The following OSBPL10 variants were observed in gnomAD, a reference collection of about 807,000 sequenced individuals.
The protein encoded by OSBPL10 is oxysterol binding protein like 10, also known as oxysterol-binding protein-related protein 10.
A neutral mutation model predicts 81.7 loss-of-function variants in OSBPL10; 49 were observed. The ratio of observed to expected loss-of-function variants is 0.60; its 90% confidence interval spans 0.48 to 0.76. The LOEUF is 0.76. OSBPL10 is among the 30% of genes least tolerant of loss of function. The pLI, the probability that OSBPL10 is intolerant of heterozygous loss-of-function variation, is 0.00. For synonymous variants in OSBPL10, 419 were observed against 383.6 expected (o/e 1.09, Z -1.08); for missense variants, 923 against 987.8 (o/e 0.93, Z 0.88).
At chr3:31,911,527 T>G (rs1696577215) in intron 1 of OSBPL10, among the ~76,000 whole-genome samples, 1 of 151,974 alleles carries the variant, frequency 6.6e-6, no homozygotes, top group Non-Finnish European at 1.5e-5. Context: ...TCCAATCTTT[T>G]TACTTCCCTG....
At chr3:31,829,709 T>C (rs1007412310) in intron 4 of OSBPL10, among the ~76,000 whole-genome samples, 2 of 152,164 alleles carry the variant, frequency 1.3e-5, no homozygotes, top group Non-Finnish European at 2.9e-5. Context: ...ACACCCAAAG[T>C]TATTTTCTTA....
chr3:31,769,999 G>A (rs908699872), intron 4 of OSBPL10, among the ~76,000 whole-genome samples: 1 of 152,164 alleles, frequency 6.6e-6, no homozygotes, highest in Non-Finnish European at 1.5e-5. Flanking sequence ...ACAAGGTTCT[G>A]CCTGTACCTA....
intron 7 of OSBPL10, among the ~76,000 whole-genome samples, chr3:31,701,220 G>A (rs1230821131): frequency 1.3e-5 from 2 of 152,220 alleles, no homozygotes; most frequent in East Asian, 1.9e-4. Flanking sequence ...TGCCTAGTCC[G>A]AGATGAGATT....
chr3:31,875,012 C>T (rs988526894), intron 3 of OSBPL10, among the ~76,000 whole-genome samples: 2 of 149,208 alleles, frequency 1.3e-5, no homozygotes, highest in Admixed American at 1.3e-4. Flanking sequence ...AAAACACCAT[C>T]TGGCCAACCA....
intron 1 of OSBPL10, among the ~76,000 whole-genome samples, chr3:31,935,793 A>T (rs2125729373): frequency 6.6e-6 from 1 of 152,266 alleles, no homozygotes; most frequent in East Asian, 1.9e-4. Flanking sequence ...AAGTCCTGGG[A>T]TTACAGGCAT....
At chr3:31,759,029 GA>G (rs1235867685) in intron 4 of OSBPL10, among the ~76,000 whole-genome samples, 2 of 151,814 alleles carry the variant, frequency 1.3e-5, no homozygotes, top group African/African-American at 4.8e-5. Context: ...GAAGAGTGAA[GA>G]AAAAAATATT....
At chr3:31,662,197 CTG>C (rs1217043625) in intron 11 of OSBPL10, 81 bp from the exon 12 acceptor site, 108 of 1,603,590 alleles carry the variant, frequency 6.7e-5, no homozygotes, top group Admixed American at 5.4e-4. Context: ...CGCAGCCACT[CTG>C]TGTGTCTGCC....
At chr3:31,694,487 TAA>T (rs1489613682) in intron 7 of OSBPL10, among the ~76,000 whole-genome samples, 1 of 152,050 alleles carries the variant, frequency 6.6e-6, no homozygotes, top group Non-Finnish European at 1.5e-5. Flanking sequence ...TTTAATTTTT[TAA>T]AAAGTTTCAG....
intron 3 of OSBPL10, among the ~76,000 whole-genome samples, chr3:31,874,273 A>T (rs918732141): frequency 3.9e-5 from 6 of 152,188 alleles, no homozygotes; most frequent in African/African-American, 1.4e-4. Flanking sequence ...ATTAACCTAT[A>T]AACTCCTTGA....
chr3:31,794,513 T>C, intron 4 of OSBPL10: 1 of 299,040 alleles, frequency 3.3e-6, no homozygotes, highest in Non-Finnish European at 6.7e-6. Flanking sequence ...CAGGGCACTG[T>C]GACCCTTGCA....
At chr3:31,785,175 G>A (rs558895893) in intron 4 of OSBPL10, among the ~76,000 whole-genome samples, 5 of 152,250 alleles carry the variant, frequency 3.3e-5, no homozygotes, top group African/African-American at 7.2e-5. Flanking sequence ...GTGAACCACC[G>A]CAGTCTTGAA....
intron 1 of OSBPL10, among the ~76,000 whole-genome samples, chr3:32,058,847 C>G (rs1007907704): frequency 6.6e-6 from 1 of 152,154 alleles, no homozygotes; most frequent in Admixed American, 6.5e-5. Flanking sequence ...ACCACAATGC[C>G]AAACTAATTA....
chr3:31,717,737 T>C (rs1290605360), intron 6 of OSBPL10, among the ~76,000 whole-genome samples: 1 of 152,214 alleles, frequency 6.6e-6, no homozygotes, highest in Non-Finnish European at 1.5e-5. Flanking sequence ...AAATGTGAAA[T>C]GATACTCAGG....
chr3:31,803,327 A>C (rs4437187), intron 4 of OSBPL10, among the ~76,000 whole-genome samples: 108,898 of 151,436 alleles, frequency 0.72, 39,337 homozygotes, highest in East Asian at 0.76. Flanking sequence ...CCTTCAGGGG[A>C]TAAGACTGCC....
rs201518609 is a variant in OSBPL10 at position 31,884,914 on chromosome 3, A to G, written c.282-5084T>C. ...TTAAAAATAACATCAATAAAAGAGGAAAAAAAAATCAAAGCATGTGCTGCA... is the reference window on the plus strand; with the variant it reads ...TTAAAAATAACATCAATAAAAGAGGGAAAAAAAATCAAAGCATGTGCTGCA... On this transcript the variant is annotated intron_variant, in intron 1 of 11. Coordinates refer to ENST00000396556, the MANE Select transcript of OSBPL10 (RefSeq NM_017784.5). Among the ~76,000 whole-genome samples the G allele has an allele frequency of 1.2e-3, 181 of 151,620 alleles. 1 individual carries two copies. The highest frequency in any genetic ancestry group is 2.8e-3 in the Admixed American group (42 of 15,226).
At position 31,683,977 on chromosome 3, in the gene OSBPL10, A is replaced by G. The variant is rs181176920; in HGVS notation, c.1383T>C (p.Tyr461=). 1.1e-5 allele frequency: 17 copies of G among 1,614,232 alleles called. No individual in the cohort carries two copies. In the Admixed American group the frequency reaches 1.3e-4, roughly 13 times the overall value. ...GGCCCTCGTGAAAGGCTGTGAGATA[A>G]TACTCAACGAAGCAAATGACTCTCT... ...PEERVICFVE[Y]YLTAFHEGRK... is the part of the protein sequence containing the mutation. Residue 461 remains tyrosine (Y), a synonymous_variant, in exon 8 of 12, where the codon TAT becomes TAC. Coordinates refer to ENST00000396556, the MANE Select transcript of OSBPL10 (RefSeq NM_017784.5).
chr3:31,674,684 A>C (rs751647902), intron 8 of OSBPL10, among the ~76,000 whole-genome samples: 1 of 152,142 alleles, frequency 6.6e-6, no homozygotes, highest in Non-Finnish European at 1.5e-5. Context: ...TGTGACCCCC[A>C]CACAGGGGTT....
intron 1 of OSBPL10, among the ~76,000 whole-genome samples, chr3:31,897,935 TAGG>T (rs1696103484): frequency 7.3e-6 from 1 of 137,556 alleles, no homozygotes; most frequent in Admixed American, 8.8e-5. Flanking sequence ...TTGAACCTGG[TAGG>T]AGGAGGTTGC....
chr3:31,718,103 C>T (rs1382347745), intron 6 of OSBPL10: 1 of 151,914 alleles, frequency 6.6e-6, no homozygotes, highest in African/African-American at 2.4e-5. Flanking sequence ...CACTCTGTTG[C>T]ACAGAATTTC....
Sources: gnomAD v4.1 joint callset for allele counts (sites outside exome capture counted in the v4.1 genomes callset) on GRCh38, gnomAD v4.1.1 for gene constraint, MANE v1.5 for transcripts, NCBI Gene and HGNC (gene_info 2026-07-23, HGNC 2026-07-21) for gene names.